The following SHLD1 variants were observed in gnomAD, a reference collection of about 807,000 sequenced individuals.
SHLD1 encodes RINN1-REV7-interacting novel NHEJ regulator 3.
In SHLD1, 3 loss-of-function variants were observed where a neutral mutation model predicts 5.5. That is an observed-to-expected ratio of 0.54 (90% CI 0.25 to 1.40). The LOEUF is 1.40. Ranked by LOEUF, SHLD1 falls within the 40% of genes most tolerant of loss-of-function variation. The pLI is 0.15. For missense variants in SHLD1, 210 were observed against 244.4 expected, an observed-to-expected ratio of 0.86 and a Z score of 0.94; for synonymous variants, 92 against 94.3, an observed-to-expected ratio of 0.98 and a Z score of 0.14.
intron 2 of SHLD1, among the ~76,000 whole-genome samples, chr20:5,836,329 G>A (rs1291098150): frequency 1.3e-5 from 2 of 152,142 alleles, no homozygotes. Flanking sequence ...GATTTTCCAT[G>A]TCTGATGTCA....
At chr20:5,768,426 GC>G (rs1378806237) in intron 1 of SHLD1, among the ~76,000 whole-genome samples, 1 of 152,218 alleles carries the variant, frequency 6.6e-6, no homozygotes, top group Non-Finnish European at 1.5e-5. Context: ...CCCCTTCTGG[GC>G]TCTTCTGTCT....
intron 1 of SHLD1, among the ~76,000 whole-genome samples, chr20:5,758,425 AT>A (rs990230216): frequency 1.9e-3 from 170 of 89,970 alleles, no homozygotes; most frequent in African/African-American, 3.2e-3. Flanking sequence ...TTTTTTTTAT[AT>A]TTTTTTTTTT....
chr20:5,801,869 T>C (rs545258830), intron 2 of SHLD1, among the ~76,000 whole-genome samples: 1 of 152,306 alleles, frequency 6.6e-6, no homozygotes, highest in South Asian at 2.1e-4. Context: ...CATTTGATCT[T>C]TAATGTGCTA....
At chr20:5,819,837 A>G (rs78334788) in intron 2 of SHLD1, among the ~76,000 whole-genome samples, 2,877 of 152,292 alleles carry the variant, frequency 0.019, 87 homozygotes, top group African/African-American at 0.065. Flanking sequence ...AACAACAACA[A>G]TAAAATCATC....
chr20:5,834,104 A>G (rs1481925943), intron 2 of SHLD1, among the ~76,000 whole-genome samples: 1 of 152,200 alleles, frequency 6.6e-6, no homozygotes, highest in Non-Finnish European at 1.5e-5. Flanking sequence ...GCTGATTTTC[A>G]GTGAACAGTG....
chr20:5,789,558 CAA>C (rs2087109392), intron 2 of SHLD1, among the ~76,000 whole-genome samples: 1 of 113,208 alleles, frequency 8.8e-6, no homozygotes, highest in Non-Finnish European at 1.8e-5. Context: ...GCCTGGGTGA[CAA>C]GAGCAAAACT....
At chr20:5,845,769 G>C (rs1413694038) in intron 2 of SHLD1, among the ~76,000 whole-genome samples, 1 of 152,140 alleles carries the variant, frequency 6.6e-6, no homozygotes, top group East Asian at 1.9e-4. Flanking sequence ...TCTGTCCCCT[G>C]AGGATGGAGA....
chr20:5,750,963 C>T (rs973213689), intron 1 of SHLD1, among the ~76,000 whole-genome samples: 1 of 152,120 alleles, frequency 6.6e-6, no homozygotes, highest in African/African-American at 2.4e-5. Context: ...CGCCACTGCA[C>T]TCCAGCCTGG....
chr20:5,815,527 C>T (rs894176815), intron 2 of SHLD1, among the ~76,000 whole-genome samples: 1 of 152,188 alleles, frequency 6.6e-6, no homozygotes, highest in Non-Finnish European at 1.5e-5. Flanking sequence ...TGTTTTTGTA[C>T]AGCCTGCAAG....
chr20:5,762,077 C>A (rs1367165075), intron 1 of SHLD1, among the ~76,000 whole-genome samples: 1 of 151,002 alleles, frequency 6.6e-6, no homozygotes, highest in Non-Finnish European at 1.5e-5. Context: ...CATGGTGAAA[C>A]CTCATCTCTA....
At chr20:5,760,615 C>T (rs1223860958) in intron 1 of SHLD1, among the ~76,000 whole-genome samples, 4 of 151,848 alleles carry the variant, frequency 2.6e-5, no homozygotes, top group East Asian at 1.9e-4. Flanking sequence ...ATTGCTTGAG[C>T]CCGGGAGGAG....
chr20:5,811,302 G>A (rs774108952), intron 2 of SHLD1, among the ~76,000 whole-genome samples: 7 of 152,200 alleles, frequency 4.6e-5, no homozygotes, highest in East Asian at 1.9e-4. Flanking sequence ...GTGATCTAGC[G>A]AAGTCATAGG....
rs4815864 is a variant in SHLD1 at position 5,806,936 on chromosome 20, G to C, written c.178+33893G>C. Among the ~76,000 whole-genome samples, 19 of 152,206 alleles carry C rather than the reference G, an allele frequency of 1.2e-4. No homozygotes were observed. The South Asian group carries it at 2.5e-3, about 20-fold the overall frequency. ...AGCACCGAAGAGTGAGTGAGTGGTC[G>C]TGTAACCTGTACCTGCAATCTTGGC... On this transcript the variant is annotated intron_variant, in intron 2 of 2. Coordinates refer to ENST00000303142, the MANE Select transcript of SHLD1 (RefSeq NM_152504.4). This position sits in a 1 kb window ranked among gnomAD's most constrained non-coding sequence, Gnocchi z 7.6.
At chr20:5,818,956 G>C (rs543689421) in intron 2 of SHLD1, among the ~76,000 whole-genome samples, 17 of 152,202 alleles carry the variant, frequency 1.1e-4, no homozygotes, top group Admixed American at 7.9e-4. Context: ...TCTGCCTCCT[G>C]GGTTCAAGCA....
At chr20:5,852,032 T>C (rs1015862946) in intron 2 of SHLD1, among the ~76,000 whole-genome samples, 34 of 151,938 alleles carry the variant, frequency 2.2e-4, no homozygotes, top group African/African-American at 8.0e-4. Context: ...TGCTCCTACT[T>C]TGGCTGTGTG....
intron 2 of SHLD1, among the ~76,000 whole-genome samples, chr20:5,800,526 C>T (rs2087277380): frequency 6.6e-6 from 1 of 152,090 alleles, no homozygotes; most frequent in Admixed American, 6.5e-5. Flanking sequence ...AAACCCTCTA[C>T]TAGAAATACA....
intron 2 of SHLD1, among the ~76,000 whole-genome samples, chr20:5,858,858 T>C (rs928196463): frequency 1.3e-5 from 2 of 152,206 alleles, no homozygotes; most frequent in Admixed American, 6.5e-5. Flanking sequence ...AGTATCTATA[T>C]GTTATCTCTT....
At position 5,855,299 on chromosome 20, in the gene SHLD1, C is replaced by A. The variant is rs910746233; in HGVS notation, c.179-7725C>A. Among the ~76,000 whole-genome samples the A allele has an allele frequency of 6.6e-6, 1 of 152,128 alleles. No homozygotes were observed. Among genetic ancestry groups the A allele is most frequent in the African/African-American group, 2.4e-5 (1 of 41,424 alleles). On this transcript the variant is annotated intron_variant, in intron 2 of 2. Transcript: ENST00000303142. This position sits in a 1 kb window ranked among gnomAD's most constrained non-coding sequence, Gnocchi z 4.4. Reference sequence around the variant, plus strand: ...TCCTCAGGGTTCGTTCATGTTGTAGCGTGTGTCACAGTGTCCTTTCTTTTT... The same window carrying A: ...TCCTCAGGGTTCGTTCATGTTGTAGAGTGTGTCACAGTGTCCTTTCTTTTT...
At chr20:5,815,500 A>G (rs1344645247) in intron 2 of SHLD1, among the ~76,000 whole-genome samples, 3 of 152,234 alleles carry the variant, frequency 2.0e-5, no homozygotes, top group Non-Finnish European at 2.9e-5. Context: ...CCTGTGGACC[A>G]ATTCTGACCC....
Sources: allele counts gnomAD v4.1 joint callset (sites outside exome capture counted in the v4.1 genomes callset), GRCh38; gene constraint gnomAD v4.1.1; non-coding constraint Gnocchi (gnomAD v3.1); transcripts MANE v1.5; gene names NCBI Gene and HGNC (gene_info 2026-07-23, HGNC 2026-07-21).